SDCBP2: variants seen among roughly 807,000 people sequenced by gnomAD.
The protein encoded by SDCBP2 is syndecan binding protein 2, also known as syntenin-2.
A neutral mutation model predicts 30.7 loss-of-function variants in SDCBP2; 28 were observed. That is an observed-to-expected ratio of 0.91 (90% CI 0.68 to 1.25). The LOEUF (loss-of-function observed/expected upper bound fraction) is 1.25, where lower values mean the gene tolerates loss of function less well. Among genes scored for constraint, SDCBP2 ranks in the 50% most tolerant of loss-of-function variants. The pLI, the probability that SDCBP2 is intolerant of heterozygous loss-of-function variation, is 0.00. For missense variants in SDCBP2, 399 were observed against 379.0 expected, an observed-to-expected ratio of 1.05 and a Z score of -0.44; for synonymous variants, 166 against 157.3, an observed-to-expected ratio of 1.06 and a Z score of -0.41.
In SDCBP2 at chr20:1,313,211, C is replaced by T. The variant is rs1241583261; in HGVS notation, c.384+129G>A. On this transcript the variant is annotated intron_variant, in intron 5 of 8. Transcript: ENST00000360779. This position sits in a 1 kb window ranked among gnomAD's most constrained non-coding sequence, Gnocchi z 5.2. ...GGGGAGGAGGGACTGGGGGCAAGAGCCTGGCCGCTGGGGTTAGGAGGCCCG... is the reference window on the plus strand; with the variant it reads ...GGGGAGGAGGGACTGGGGGCAAGAGTCTGGCCGCTGGGGTTAGGAGGCCCG... 1.0e-6 allele frequency: 1 copy of T among 1,002,136 alleles called. No individual in the cohort carries two copies. The highest frequency in any genetic ancestry group is 1.5e-6 in the Non-Finnish European group (1 of 677,740). 62.1% of individuals were successfully genotyped at this position (1,002,136 alleles called of 1,614,324 possible).
chr20:1,326,167 G>C (rs2088922882), intron 1 of SDCBP2, among the ~76,000 whole-genome samples: 1 of 152,178 alleles, frequency 6.6e-6, no homozygotes, highest in Non-Finnish European at 1.5e-5. Flanking sequence ...GGACAGGGAG[G>C]CCCAGGCCTG....
At chr20:1,312,802 A>G in intron 5 of SDCBP2, 40 bp from the exon 6 acceptor site, 4 of 1,564,902 alleles carry the variant, frequency 2.6e-6, no homozygotes, top group Non-Finnish European at 2.6e-6. Flanking sequence ...TCCCTGGCCC[A>G]CCCTAGGCAC....
In SDCBP2 at chr20:1,313,171, C is replaced by T; in HGVS notation, c.384+169G>A. The T allele has an allele frequency of 1.4e-6, 1 of 737,500 alleles. No individual in the cohort carries two copies. The highest frequency in any genetic ancestry group is 1.7e-5 in the South Asian group (1 of 57,506). 45.7% of individuals were successfully genotyped at this position (737,500 alleles called of 1,614,324 possible). ...AGGGCCCTGCGCAACCCAGCACCAGCCCCGCCCGGGTCTCGGGGAGGAGGG... is the reference window on the plus strand; with the variant it reads ...AGGGCCCTGCGCAACCCAGCACCAGTCCCGCCCGGGTCTCGGGGAGGAGGG... On this transcript the variant is annotated intron_variant, in intron 5 of 8. Coordinates refer to ENST00000360779, the MANE Select transcript of SDCBP2 (RefSeq NM_080489.5). The surrounding 1 kb of genome is among the most constrained non-coding windows in gnomAD (Gnocchi z 5.2).
At chr20:1,311,014 G>A in intron 7 of SDCBP2, 123 bp from the exon 8 acceptor site, 1 of 675,764 alleles carries the variant, frequency 1.5e-6, no homozygotes, top group Non-Finnish European at 2.5e-6. Context: ...CTGACTGCAG[G>A]GCAGGGCTGC....
At chr20:1,328,183 T>G in intron 1 of SDCBP2, among the ~76,000 whole-genome samples, 1 of 149,564 alleles carries the variant, frequency 6.7e-6, no homozygotes, top group South Asian at 2.1e-4. Flanking sequence ...TAAGGAGGAG[T>G]AGTGGGGAGG....
chr20:1,317,067 G>A (rs1051255599), intron 4 of SDCBP2, among the ~76,000 whole-genome samples: 2 of 152,136 alleles, frequency 1.3e-5, no homozygotes, highest in East Asian at 1.9e-4. Context: ...ACAGAGGGCC[G>A]GATGCCAGGG....
intron 7 of SDCBP2, among the ~76,000 whole-genome samples, chr20:1,311,815 G>A (rs182846899): frequency 4.9e-4 from 74 of 151,956 alleles, no homozygotes; most frequent in African/African-American, 1.7e-3. Context: ...AGAGCAAGGA[G>A]GTGTCCATGC....
intron 4 of SDCBP2, chr20:1,317,795 G>A (rs778197022): frequency 4.9e-5 from 12 of 247,120 alleles, no homozygotes; most frequent in Admixed American, 3.1e-4. Flanking sequence ...CAGGTGGGAC[G>A]CAGGGATGCT....
intron 4 of SDCBP2, among the ~76,000 whole-genome samples, chr20:1,316,499 C>T (rs1459994259): frequency 6.6e-6 from 1 of 152,206 alleles, no homozygotes; most frequent in Non-Finnish European, 1.5e-5. Flanking sequence ...AAGCAATCCT[C>T]CTGCCTCAGC....
chr20:1,318,631 C>A (rs373369802), intron 3 of SDCBP2, among the ~76,000 whole-genome samples: 1 of 152,168 alleles, frequency 6.6e-6, no homozygotes, highest in South Asian at 2.1e-4. Flanking sequence ...TCCTCATGCA[C>A]CACTTTGCTA....
At chr20:1,317,141 G>T (rs2088788954) in intron 4 of SDCBP2, among the ~76,000 whole-genome samples, 1 of 152,182 alleles carries the variant, frequency 6.6e-6, no homozygotes, top group Non-Finnish European at 1.5e-5. Context: ...GGAGGTGGTT[G>T]TGGTGATGAA....
chr20:1,327,669 A>C (rs2088949550), intron 1 of SDCBP2, among the ~76,000 whole-genome samples: 1 of 152,246 alleles, frequency 6.6e-6, no homozygotes, highest in African/African-American at 2.4e-5. Context: ...TCCCCTTTGA[A>C]TGTCATTTCT....
Position 1,313,207 on chromosome 20 carries a change from A to C in SDCBP2, c.384+133T>G. 1.0e-6 allele frequency: 1 copy of C among 967,086 alleles called. No homozygotes were observed. Among genetic ancestry groups the C allele is most frequent in the Non-Finnish European group, 1.5e-6 (1 of 646,796 alleles). The allele number at this position is 967,086 out of a possible 1,614,324, so 59.9% of individuals were successfully genotyped here. ...TCTCGGGGAGGAGGGACTGGGGGCA[A>C]GAGCCTGGCCGCTGGGGTTAGGAGG... On this transcript the variant is annotated intron_variant, in intron 5 of 8. Transcript: ENST00000360779. The surrounding 1 kb of genome is among the most constrained non-coding windows in gnomAD (Gnocchi z 5.2).
Position 1,313,576 on chromosome 20 carries a change from G to T in SDCBP2, c.226-78C>A. On this transcript the variant is annotated intron_variant, in intron 4 of 8. Coordinates refer to ENST00000360779, the MANE Select transcript of SDCBP2 (RefSeq NM_080489.5). The surrounding 1 kb of genome is among the most constrained non-coding windows in gnomAD (Gnocchi z 5.2). Reference sequence around the variant, plus strand: ...TCAGGAGACACTGGGGTGGGGGTAGGGATGGGGAAAGGAGGATGGAGCCGT... The same window carrying T: ...TCAGGAGACACTGGGGTGGGGGTAGTGATGGGGAAAGGAGGATGGAGCCGT... 1 of 1,467,678 alleles carries T rather than the reference G, an allele frequency of 6.8e-7. No individual in the cohort carries two copies. Among genetic ancestry groups the T allele is most frequent in the South Asian group, 1.4e-5 (1 of 73,932 alleles). 90.9% of individuals were successfully genotyped at this position (1,467,678 alleles called of 1,614,324 possible).
chr20:1,315,510 C>T (rs1568560744), intron 4 of SDCBP2, among the ~76,000 whole-genome samples: 1 of 152,096 alleles, frequency 6.6e-6, no homozygotes, highest in Non-Finnish European at 1.5e-5. Flanking sequence ...GCCTGGGTGA[C>T]AGAGTGAGAC....
intron 4 of SDCBP2, chr20:1,317,947 C>T: frequency 2.8e-6 from 1 of 352,210 alleles, no homozygotes; most frequent in Non-Finnish European, 5.6e-6. Context: ...AATTTGGGGA[C>T]CAGAGTTGGG....
At position 1,319,628 on chromosome 20, in the gene SDCBP2, G is replaced by A. The variant is rs775769778; in HGVS notation, c.86C>T (p.Ala29Val). The change falls in exon 3 of 9, where the codon GCC becomes GTC. Residue 29 changes from alanine (A) to valine (V), a missense_variant. Ala to Val is a moderately conservative substitution (Grantham distance 64). Coordinates refer to ENST00000360779, the MANE Select transcript of SDCBP2 (RefSeq NM_080489.5). ...AQVRASPKMP[A>V]LPVQATAISP... is the part of the protein sequence containing the mutation. ...AATGGCTGTTGCCTGGACTGGCAGG[G>A]CTGGCATCTTGGGTGAGGCTCTGAC... 1 of 1,572,794 alleles carries A rather than the reference G, an allele frequency of 6.4e-7. No homozygotes were observed. Among genetic ancestry groups the A allele is most frequent in the East Asian group, 2.3e-5 (1 of 43,530 alleles).
At chr20:1,310,950 A>T in intron 7 of SDCBP2, 59 bp from the exon 8 acceptor site, 1 of 1,288,544 alleles carries the variant, frequency 7.8e-7, no homozygotes, top group South Asian at 1.3e-5. Context: ...GCAACTCTAC[A>T]GGCCCCTCTG....
chr20:1,318,081 C>T, intron 4 of SDCBP2: 1 of 561,482 alleles, frequency 1.8e-6, no homozygotes. Context: ...GGTCAAAGGG[C>T]AAGCCCTGGT....
Sources: allele counts gnomAD v4.1 joint callset (sites outside exome capture counted in the v4.1 genomes callset), GRCh38; gene constraint gnomAD v4.1.1; non-coding constraint Gnocchi (gnomAD v3.1); transcripts MANE v1.5; gene names NCBI Gene and HGNC (gene_info 2026-07-23, HGNC 2026-07-21).